The following TRMT11 variants were observed in gnomAD, a reference collection of about 807,000 sequenced individuals.
TRMT11 encodes tRNA methyltransferase 11.
Under a neutral mutation model 62.8 loss-of-function variants are expected in TRMT11, and 53 were observed. The ratio of observed to expected loss-of-function variants is 0.84; its 90% CI spans 0.68 to 1.06. The LOEUF (loss-of-function observed/expected upper bound fraction) is 1.06. TRMT11 is among the 50% of genes least tolerant of loss of function. TRMT11 has a pLI of 0.00. For missense variants in TRMT11, 556 were observed against 553.4 expected (o/e 1.00, Z -0.05); for synonymous variants, 188 against 190.3 (o/e 0.99, Z 0.10).
chr6:126,150,411 A>G (rs1308642319), intron 21 of TRMT11, among the ~76,000 whole-genome samples: 1 of 152,244 alleles, frequency 6.6e-6, no homozygotes, highest in African/African-American at 2.4e-5. Flanking sequence ...GAACCAAGAC[A>G]CAAAGCAAGA....
At chr6:126,232,381 TA>T in the TRMT11 span, among the ~76,000 whole-genome samples, 1 of 151,946 alleles carries the variant, frequency 6.6e-6, no homozygotes, top group Admixed American at 6.6e-5. Context: ...TCCTTTTAAA[TA>T]AAATATGGCT....
the TRMT11 span, among the ~76,000 whole-genome samples, chr6:126,269,263 C>CA: frequency 0.032 from 2,155 of 68,322 alleles, 100 homozygotes; most frequent in African/African-American, 0.065. Context: ...GACTCCGTCT[C>CA]AAAAAAAAAA....
intron 21 of TRMT11, among the ~76,000 whole-genome samples, chr6:126,141,198 T>A (rs1208317764): frequency 6.6e-6 from 1 of 152,114 alleles, no homozygotes; most frequent in Non-Finnish European, 1.5e-5. Context: ...TTTCTAATCA[T>A]CTTAATTAAT....
chr6:126,193,860 T>C (rs891038991), intron 1 of TRMT11, among the ~76,000 whole-genome samples: 2 of 152,172 alleles, frequency 1.3e-5, no homozygotes, highest in African/African-American at 4.8e-5. Flanking sequence ...TATTTCATGG[T>C]ACAGTATGTT....
At chr6:126,069,741 T>C (rs1776795364) in intron 17 of TRMT11, among the ~76,000 whole-genome samples, 1 of 152,188 alleles carries the variant, frequency 6.6e-6, no homozygotes, top group South Asian at 2.1e-4. Flanking sequence ...CATCATCTTC[T>C]CTGGTTATTG....
chr6:126,067,408 A>G (rs550569960), intron 17 of TRMT11, among the ~76,000 whole-genome samples: 1 of 152,328 alleles, frequency 6.6e-6, no homozygotes, highest in South Asian at 2.1e-4. Context: ...TTGCTTACCC[A>G]TATAGTTTTA....
chr6:126,172,984 ATATG>A (rs2128237097), upstream of TRMT11, among the ~76,000 whole-genome samples: 1 of 152,258 alleles, frequency 6.6e-6, no homozygotes, highest in South Asian at 2.1e-4. Flanking sequence ...GATGTGTACA[ATATG>A]TAGGTAGAGA....
the TRMT11 span, among the ~76,000 whole-genome samples, chr6:126,254,538 G>C: frequency 6.6e-6 from 1 of 152,162 alleles, no homozygotes; most frequent in East Asian, 1.9e-4. Flanking sequence ...GCTATATTGT[G>C]GATTCTGCAG....
chr6:126,255,088 C>G, the TRMT11 span, among the ~76,000 whole-genome samples: 1 of 151,988 alleles, frequency 6.6e-6, no homozygotes, highest in Non-Finnish European at 1.5e-5. Flanking sequence ...AACCTTAATG[C>G]TTTTCTGTAG....
At chr6:126,163,042 C>G (rs1778214211) in intron 21 of TRMT11, among the ~76,000 whole-genome samples, 1 of 152,106 alleles carries the variant, frequency 6.6e-6, no homozygotes, top group African/African-American at 2.4e-5. Context: ...TATTTGAATA[C>G]CCTTTATTTT....
At chr6:126,262,185 TA>T in the TRMT11 span, among the ~76,000 whole-genome samples, 2 of 152,110 alleles carry the variant, frequency 1.3e-5, no homozygotes, top group African/African-American at 4.8e-5. Context: ...AGTGTGAGTG[TA>T]GTGGAGCGGA....
rs1429627464 is a variant in TRMT11, at chr6:125,998,045, T to A, written c.213-8T>A. 6.2e-7 allele frequency: 1 copy of A among 1,601,288 alleles called. No individual in the cohort carries two copies. The highest frequency in any genetic ancestry group is 2.2e-5 in the East Asian group (1 of 44,802). The stretch of plus-strand genomic sequence containing the variant: ...TACTGAGGTTAGTACCAATCATTTA[T>A]TTCCTAGGTCTATATTTGAACTATG... On this transcript the variant is annotated splice_region_variant and splice_polypyrimidine_tract_variant and intron_variant, in intron 3 of 12. Transcript: ENST00000334379.
chr6:126,035,967 A>G (rs534842098), intron 12 of TRMT11, among the ~76,000 whole-genome samples: 11 of 152,212 alleles, frequency 7.2e-5, no homozygotes, highest in African/African-American at 2.6e-4. Context: ...TGTGAGCTGC[A>G]TAACCACAGC....
At chr6:126,130,855 C>T (rs750827868) in intron 21 of TRMT11, among the ~76,000 whole-genome samples, 2 of 152,144 alleles carry the variant, frequency 1.3e-5, no homozygotes, top group African/African-American at 2.4e-5. Context: ...TGCTTGAATC[C>T]GAGGTAAATA....
intron 21 of TRMT11, among the ~76,000 whole-genome samples, chr6:126,121,296 A>G (rs1159393231): frequency 1.3e-5 from 2 of 152,156 alleles, no homozygotes; most frequent in East Asian, 3.9e-4. Context: ...CCATTTAGAT[A>G]TGATGCCCAT....
chr6:126,162,883 G>T (rs974823610), intron 21 of TRMT11, among the ~76,000 whole-genome samples: 3 of 152,172 alleles, frequency 2.0e-5, no homozygotes, highest in Non-Finnish European at 4.4e-5. Flanking sequence ...GTATAGGAAT[G>T]CTTGTGGTTT....
rs1206702416 is a variant in TRMT11 at position 126,011,382 on chromosome 6, G to A, written c.890G>A (p.Arg297Lys). The A allele has an allele frequency of 3.7e-6, 6 of 1,612,924 alleles. No individual in the cohort carries two copies. The highest frequency in any genetic ancestry group is 5.1e-6 in the Non-Finnish European group (6 of 1,179,440). The change falls in exon 9 of 13, where the codon AGG becomes AAG. Residue 297 changes from arginine to lysine, a missense_variant. Transcript: ENST00000334379. ...TCAGATGCATCTAAACCTTCCTGGAGGAAGGGCACATATTTTGATGCAATC... is the reference window on the plus strand; with the variant it reads ...TCAGATGCATCTAAACCTTCCTGGAAGAAGGGCACATATTTTGATGCAATC... Reference protein sequence around the residue: ...LVSDASKPSWRKGTYFDAIIT... With the variant: ...LVSDASKPSWKKGTYFDAIIT...
intron 12 of TRMT11, among the ~76,000 whole-genome samples, chr6:126,036,129 T>C (rs1193811827): frequency 6.6e-6 from 1 of 152,070 alleles, no homozygotes; most frequent in Non-Finnish European, 1.5e-5. Context: ...TTGCATGGCC[T>C]AGAGGGGCCA....
intron 1 of TRMT11, 180 bp downstream of exon 1, chr6:125,986,802 G>A (rs1423257725): frequency 6.7e-6 from 4 of 599,374 alleles, no homozygotes; most frequent in Non-Finnish European, 1.2e-5. Context: ...GTGTGTGAGA[G>A]AAGTCCGAGA....
Sources: gnomAD v4.1 joint callset for allele counts (sites outside exome capture counted in the v4.1 genomes callset) on GRCh38, gnomAD v4.1.1 for gene constraint, MANE v1.5 for transcripts, NCBI Gene and HGNC (gene_info 2026-07-23, HGNC 2026-07-21) for gene names.